Variants in METTL15 observed in about 807,000 individuals in gnomAD.
METTL15 encodes methyltransferase 15, mitochondrial 12S rRNA N4-cytidine.
Under a neutral mutation model 38.3 loss-of-function variants are expected in METTL15, and 34 were observed. The observed-to-expected ratio is 0.89, with a 90% CI of 0.68 to 1.18. The LOEUF (loss-of-function observed/expected upper bound fraction) is 1.18. METTL15 is among the 50% of genes most tolerant of loss of function. The probability of loss-of-function intolerance (pLI) is 0.00; values close to 1 mark genes in which losing one functional copy is unlikely to be tolerated. For missense variants in METTL15, 438 were observed against 498.4 expected (o/e 0.88, Z 1.15); for synonymous variants, 162 against 170.9 (o/e 0.95, Z 0.41).
At chr11:28,195,660 G>C (rs1851883159) in intron 3 of METTL15, among the ~76,000 whole-genome samples, 1 of 152,038 alleles carries the variant, frequency 6.6e-6, no homozygotes, top group African/African-American at 2.4e-5. Flanking sequence ...TCTCTAGGTT[G>C]TCTGTTTACT....
chr11:28,311,013 A>T (rs1158277664), intron 6 of METTL15, among the ~76,000 whole-genome samples: 1 of 149,692 alleles, frequency 6.7e-6, no homozygotes, highest in Admixed American at 6.7e-5. Flanking sequence ...TGAGAGAGAG[A>T]GAGAGAGAGA....
intron 5 of METTL15, among the ~76,000 whole-genome samples, chr11:28,404,805 G>A (rs1021385276): frequency 6.6e-6 from 1 of 152,016 alleles, no homozygotes; most frequent in African/African-American, 2.4e-5. Context: ...TGTCTGTCCA[G>A]GCAAAAGACA....
downstream of METTL15, among the ~76,000 whole-genome samples, chr11:28,337,279 T>A (rs1335575555): frequency 2.0e-5 from 3 of 152,144 alleles, no homozygotes; most frequent in Admixed American, 6.6e-5. Flanking sequence ...TAATTTTTTT[T>A]AAGATACAGA....
chr11:28,316,739 C>T (rs560785243), intron 6 of METTL15, among the ~76,000 whole-genome samples: 21 of 152,180 alleles, frequency 1.4e-4, no homozygotes, highest in South Asian at 4.1e-4. Flanking sequence ...GGGTCTTTCC[C>T]GTTTGTTCTC....
intron 6 of METTL15, among the ~76,000 whole-genome samples, chr11:28,521,313 G>A (rs972432917): frequency 1.3e-5 from 2 of 152,188 alleles, no homozygotes; most frequent in Non-Finnish European, 2.9e-5. Context: ...CCGAATGCCC[G>A]AAGGGATGGG....
chr11:28,419,619 C>T (rs554433468), intron 5 of METTL15, among the ~76,000 whole-genome samples: 2 of 152,184 alleles, frequency 1.3e-5, no homozygotes, highest in South Asian at 2.1e-4. Context: ...ACAAACATCC[C>T]CAAGCATCAA....
At chr11:28,517,272 A>C (rs2133507294) in intron 6 of METTL15, 1 of 152,286 alleles carries the variant, frequency 6.6e-6, no homozygotes, top group South Asian at 2.1e-4. Context: ...AAGGAGAGGG[A>C]ATCACTCCAA....
chr11:28,285,598 T>C (rs549525556), intron 4 of METTL15, among the ~76,000 whole-genome samples: 1 of 152,248 alleles, frequency 6.6e-6, no homozygotes, highest in African/African-American at 2.4e-5. Context: ...TATGGGTTCT[T>C]ATAACTTAAA....
intron 3 of METTL15, chr11:28,134,598 G>A: frequency 2.5e-6 from 1 of 398,514 alleles, no homozygotes; most frequent in Non-Finnish European, 4.4e-6. Flanking sequence ...GCTTCCTGCT[G>A]ACAGGAGGCG....
At chr11:28,241,228 A>G (rs983292504) in intron 4 of METTL15, among the ~76,000 whole-genome samples, 1 of 152,142 alleles carries the variant, frequency 6.6e-6, no homozygotes, top group African/African-American at 2.4e-5. Flanking sequence ...ACAAAGTGAT[A>G]CTTATGATGA....
chr11:28,175,171 C>T (rs1851017273), intron 3 of METTL15, among the ~76,000 whole-genome samples: 1 of 149,732 alleles, frequency 6.7e-6, no homozygotes, highest in African/African-American at 2.5e-5. Flanking sequence ...TTGTTCAGTT[C>T]CCACTTATGA....
intron 4 of METTL15, among the ~76,000 whole-genome samples, chr11:28,274,937 CAA>C (rs1433641777): frequency 5.3e-5 from 8 of 150,484 alleles, no homozygotes; most frequent in Admixed American, 5.3e-4. Context: ...AAGTATAATA[CAA>C]AATATATATA....
intron 3 of METTL15, among the ~76,000 whole-genome samples, chr11:28,209,390 G>T (rs1391439919): frequency 1.3e-5 from 2 of 151,816 alleles, no homozygotes; most frequent in African/African-American, 4.8e-5. Context: ...GAAGATTTTT[G>T]CCAATTCATC....
At chr11:28,178,275 A>G (rs1412717290) in intron 3 of METTL15, among the ~76,000 whole-genome samples, 1 of 151,964 alleles carries the variant, frequency 6.6e-6, no homozygotes, top group Non-Finnish European at 1.5e-5. Context: ...ATTAGTAAAC[A>G]TAAGTAAACA....
chr11:28,189,056 A>C (rs1410726722), intron 3 of METTL15, among the ~76,000 whole-genome samples: 1 of 151,344 alleles, frequency 6.6e-6, no homozygotes, highest in Admixed American at 6.6e-5. Flanking sequence ...TTTCTAGAAC[A>C]CATTTGAACT....
intron 4 of METTL15, among the ~76,000 whole-genome samples, chr11:28,272,839 A>G (rs148687460): frequency 6.8e-4 from 104 of 152,284 alleles, no homozygotes; most frequent in African/African-American, 2.3e-3. Context: ...CTTTGACTTC[A>G]TGGTCTTAGA....
chr11:28,218,855 A>G (rs1477610900), intron 4 of METTL15, among the ~76,000 whole-genome samples: 1 of 152,020 alleles, frequency 6.6e-6, no homozygotes, highest in Non-Finnish European at 1.5e-5. Flanking sequence ...ATATGCTGGA[A>G]TACGTTTATT....
intron 5 of METTL15, among the ~76,000 whole-genome samples, chr11:28,291,878 G>C (rs1856530332): frequency 6.6e-6 from 1 of 151,998 alleles, no homozygotes; most frequent in South Asian, 2.1e-4. Context: ...CAGGGTCCCT[G>C]TGGTTTTCCC....
chr11:28,438,225 G>A (rs923501345), intron 6 of METTL15, among the ~76,000 whole-genome samples: 1 of 152,048 alleles, frequency 6.6e-6, no homozygotes, highest in African/African-American at 2.4e-5. Flanking sequence ...CTTTTCCCAG[G>A]CAGTGAGAAA....
Sources: gnomAD v4.1 joint callset for allele counts (sites outside exome capture counted in the v4.1 genomes callset) on GRCh38, gnomAD v4.1.1 for gene constraint, MANE v1.5 for transcripts, NCBI Gene and HGNC (gene_info 2026-07-23, HGNC 2026-07-21) for gene names.